The following SH3PXD2B variants were observed in gnomAD, a reference collection of about 807,000 sequenced individuals.
SH3PXD2B encodes SH3 and PX domain-containing protein 2B.
SH3PXD2B carries 37 observed loss-of-function variants against 73.1 expected under a neutral mutation model. The observed-to-expected ratio is 0.51, with a 90% CI of 0.39 to 0.67. The LOEUF (loss-of-function observed/expected upper bound fraction) is 0.67. Ranked by LOEUF, SH3PXD2B falls within the 30% of genes least tolerant of loss-of-function variation. SH3PXD2B has a pLI of 0.00. For missense variants in SH3PXD2B, 1,053 were observed against 1,197.8 expected, an observed-to-expected ratio of 0.88 and a Z score of 1.78; for synonymous variants, 457 against 480.5, an observed-to-expected ratio of 0.95 and a Z score of 0.64.
At chr5:172,413,272 G>A (rs543090851) in intron 2 of SH3PXD2B, among the ~76,000 whole-genome samples, 1 of 152,314 alleles carries the variant, frequency 6.6e-6, no homozygotes, top group East Asian at 1.9e-4. Flanking sequence ...ACCATCTGTG[G>A]TTTGTTGTCT....
chr5:172,328,105 G>C (rs866956903), intron 12 of SH3PXD2B, among the ~76,000 whole-genome samples: 3 of 132,516 alleles, frequency 2.3e-5, no homozygotes, highest in Non-Finnish European at 3.2e-5. Context: ...TCGCTACGTT[G>C]CCTAGTAGGC....
Position 172,454,320 on chromosome 5 carries a change from CT to C in SH3PXD2B, c.32del (p.Lys11ArgfsTer3). On this transcript the variant is annotated frameshift_variant, in exon 1 of 13. Coordinates refer to ENST00000311601, the MANE Select transcript of SH3PXD2B (RefSeq NM_001017995.3). LOFTEE classifies it high-confidence loss of function. MPPRRSIVEV[K>X]VLDVQKRRVP... is the part of the protein sequence containing the mutation. ...CCCGCCGCTTCTGCACGTCTAGCAC[CT>C]TCACCTCCACGATGCTGCGCCGCGG... The C allele has an allele frequency of 2.5e-6, 4 of 1,593,958 alleles. No homozygotes were observed. Among genetic ancestry groups the C allele is most frequent in the Admixed American group, 1.7e-5 (1 of 58,960 alleles).
chr5:172,346,383 G>A, intron 11 of SH3PXD2B, 122 bp from the exon 12 acceptor site: 3 of 1,449,028 alleles, frequency 2.1e-6, no homozygotes, highest in East Asian at 4.6e-5. Flanking sequence ...GGACCTAGTT[G>A]GATTCTAAGG....
Position 172,339,522 on chromosome 5 carries a change from G to A in SH3PXD2B, c.1583C>T (p.Ser528Phe). 6.2e-7 allele frequency: 1 copy of A among 1,614,122 alleles called. No individual in the cohort carries two copies. Among genetic ancestry groups the A allele is most frequent in the East Asian group, 2.2e-5 (1 of 44,876 alleles). ...CAGCTCCCCCTCCGACTTGATGATG[G>A]ATTCTTTCCGCGGAGGGAGGCTGGG... ...EKPSLPPRKE[S>F]IIKSEGELLE... The change falls in exon 13 of 13, where the codon TCC becomes TTC. Residue 528 changes from serine to phenylalanine, a missense_variant. Physicochemically the swap from Ser to Phe is radical, Grantham distance 155. Transcript: ENST00000311601. The surrounding 1 kb of genome is among the most constrained non-coding windows in gnomAD (Gnocchi z 6.1).
chr5:172,353,131 C>T lies in SH3PXD2B; in HGVS notation c.785+757G>A, dbSNP rs1488047685. Among the ~76,000 whole-genome samples, 1 of 152,204 alleles carries T rather than the reference C, an allele frequency of 6.6e-6. No individual in the cohort carries two copies. The highest frequency in any genetic ancestry group is 1.9e-4 in the East Asian group (1 of 5,204). ...GCTCCCAGAACAGGGCTGGGCCCAACAGAGATTCTTGGTGTGCGTTTGTTG... is the reference window on the plus strand; with the variant it reads ...GCTCCCAGAACAGGGCTGGGCCCAATAGAGATTCTTGGTGTGCGTTTGTTG... On this transcript the variant is annotated intron_variant, in intron 9 of 12. Coordinates refer to ENST00000311601, the MANE Select transcript of SH3PXD2B (RefSeq NM_001017995.3). This position sits in a 1 kb window ranked among gnomAD's most constrained non-coding sequence, Gnocchi z 4.3.
At chr5:172,413,011 C>T (rs1461349785) in intron 2 of SH3PXD2B, among the ~76,000 whole-genome samples, 3 of 152,222 alleles carry the variant, frequency 2.0e-5, no homozygotes, top group Non-Finnish European at 2.9e-5. Flanking sequence ...ATGCGAGACA[C>T]GCTGTCCAAA....
chr5:172,410,251 G>A (rs1459987750), intron 2 of SH3PXD2B, among the ~76,000 whole-genome samples: 1 of 152,156 alleles, frequency 6.6e-6, no homozygotes, highest in African/African-American at 2.4e-5. Flanking sequence ...ACTAGTTTAC[G>A]TTCCCACCAA....
intron 1 of SH3PXD2B, among the ~76,000 whole-genome samples, chr5:172,444,438 A>C (rs1427491078): frequency 6.6e-6 from 1 of 152,194 alleles, no homozygotes; most frequent in East Asian, 1.9e-4. Flanking sequence ...AATCCTGACT[A>C]ATACTCCTTA....
rs1457190800 is a variant in SH3PXD2B at position 172,419,354 on chromosome 5, A to G, written c.156+3062T>C. ...CCGCTTCTCATTAAATCTCTTCCAG[A>G]TGACTCTACGTCCCCACCTCCTCGG... On this transcript the variant is annotated intron_variant, in intron 2 of 12. Coordinates refer to ENST00000311601, the MANE Select transcript of SH3PXD2B (RefSeq NM_001017995.3). Among the ~76,000 whole-genome samples the G allele has an allele frequency of 2.0e-5, 3 of 151,672 alleles. No homozygotes were observed. The East Asian group carries it at 5.8e-4, about 29-fold the overall frequency.
At chr5:172,437,602 C>T (rs777550480) in intron 1 of SH3PXD2B, among the ~76,000 whole-genome samples, 3 of 152,270 alleles carry the variant, frequency 2.0e-5, no homozygotes, top group Admixed American at 6.5e-5. Context: ...CCGGTCCCCA[C>T]GTCAGCGCCA....
At chr5:172,328,188 G>A (rs541455847) in intron 12 of SH3PXD2B, among the ~76,000 whole-genome samples, 83 of 148,890 alleles carry the variant, frequency 5.6e-4, no homozygotes, top group African/African-American at 1.6e-3. Flanking sequence ...GTACAATGGC[G>A]TGGTCTCAGC....
chr5:172,433,283 T>G (rs1003580699), intron 1 of SH3PXD2B, among the ~76,000 whole-genome samples: 2 of 152,136 alleles, frequency 1.3e-5, no homozygotes, highest in African/African-American at 4.8e-5. Flanking sequence ...CACTGTGATA[T>G]TCACGTGATG....
At chr5:172,370,218 AAGTAGAAAG>A (rs1757670002) in intron 6 of SH3PXD2B, among the ~76,000 whole-genome samples, 1 of 152,138 alleles carries the variant, frequency 6.6e-6, no homozygotes, top group African/African-American at 2.4e-5. Context: ...TCTTGACTAT[AAGTAGAAAG>A]AAGGCTTCAG....
chr5:172,378,798 T>C (rs888548359), intron 5 of SH3PXD2B, among the ~76,000 whole-genome samples: 2 of 152,086 alleles, frequency 1.3e-5, no homozygotes, highest in Non-Finnish European at 1.5e-5. Flanking sequence ...AGGCCGGGCA[T>C]GGTGGCTCAT....
At chr5:172,394,442 A>T in intron 4 of SH3PXD2B, 121 bp downstream of exon 4, 1 of 976,020 alleles carries the variant, frequency 1.0e-6, no homozygotes, top group Non-Finnish European at 1.6e-6. Flanking sequence ...TTTTCCCCCT[A>T]ATTTCTTTAC....
At chr5:172,410,639 C>T (rs937916825) in intron 2 of SH3PXD2B, among the ~76,000 whole-genome samples, 3 of 152,230 alleles carry the variant, frequency 2.0e-5, no homozygotes, top group African/African-American at 7.2e-5. Flanking sequence ...ATTGGCTGAA[C>T]CAATGAACGC....
intron 12 of SH3PXD2B, among the ~76,000 whole-genome samples, chr5:172,343,520 GC>G (rs1190427606): frequency 6.6e-6 from 1 of 152,246 alleles, no homozygotes; most frequent in African/African-American, 2.4e-5. Context: ...AAGATCAGAA[GC>G]CGGGTGCGGT....
Position 172,334,340 on chromosome 5 carries a change from T to C in SH3PXD2B, c.*4029A>G. ...GGACCCTCGTGGAAACTTACTCTAG[T>C]TAGGAGCAATTCCTCCAGGCCAAGA... On this transcript the variant is annotated 3_prime_UTR_variant, in exon 13 of 13. Transcript: ENST00000311601. 1 of 996,098 alleles carries C rather than the reference T, an allele frequency of 1.0e-6. No individual in the cohort carries two copies. Among genetic ancestry groups the C allele is most frequent in the Non-Finnish European group, 1.2e-6 (1 of 838,170 alleles). 61.7% of individuals were successfully genotyped at this position (996,098 alleles called of 1,614,324 possible). A position where few individuals can be genotyped will look rare whatever the true frequency, so the allele number is the denominator to read the frequency against.
At chr5:172,351,133 G>A (rs1757152159) in intron 9 of SH3PXD2B, among the ~76,000 whole-genome samples, 2 of 152,168 alleles carry the variant, frequency 1.3e-5, no homozygotes, top group Non-Finnish European at 2.9e-5. Context: ...ATCCTCTGCA[G>A]GAGACATTCA....
Sources: allele counts gnomAD v4.1 joint callset (sites outside exome capture counted in the v4.1 genomes callset), GRCh38; gene constraint gnomAD v4.1.1; non-coding constraint Gnocchi (gnomAD v3.1); transcripts MANE v1.5; gene names NCBI Gene and HGNC (gene_info 2026-07-23, HGNC 2026-07-21).